RNF123: variants seen among roughly 807,000 people sequenced by gnomAD.
RNF123 encodes ring finger protein 123.
RNF123 carries 86 observed loss-of-function variants against 168.5 expected under a neutral mutation model. The observed-to-expected ratio is 0.51, with a 90% confidence interval of 0.43 to 0.61. The LOEUF (loss-of-function observed/expected upper bound fraction) is 0.61, where lower values mean the gene tolerates loss of function less well. RNF123 is among the 20% of genes least tolerant of loss of function. The pLI, the probability that RNF123 is intolerant of heterozygous loss-of-function variation, is 0.00. For missense variants in RNF123, 1,419 were observed against 1,729.7 expected, an observed-to-expected ratio of 0.82 and a Z score of 3.19; for synonymous variants, 666 against 689.1, an observed-to-expected ratio of 0.97 and a Z score of 0.52.
At position 49,700,649 on chromosome 3, in the gene RNF123, G is replaced by T. The variant is rs757826711; in HGVS notation, c.1217G>T (p.Arg406Leu). The part of the protein sequence containing the change: ...PDLGLQIHYL[R>L]LTIAILRHEK... ...CCCTCTCCACAGATCCATTACCTGC[G>T]GCTCACTATCGCCATCCTGAGGCAT... Residue 406 changes from arginine (R) to leucine (L), a missense_variant, in exon 15 of 39, where the codon CGG becomes CTG. Physicochemically the swap from Arg to Leu is moderately radical, Grantham distance 102 (BLOSUM62 -2). This residue lies in a region of RNF123 where 349 missense variants were observed against 344.9 expected (regional missense o/e 1.01). Coordinates refer to ENST00000327697, the MANE Select transcript of RNF123 (RefSeq NM_022064.5). 1.2e-6 allele frequency: 2 copies of T among 1,614,138 alleles called. No individual in the cohort carries two copies. Among genetic ancestry groups the T allele is most frequent in the Admixed American group, 3.3e-5 (2 of 60,018 alleles).
intron 26 of RNF123, 64 bp from the exon 27 acceptor site, chr3:49,712,415 C>T: frequency 6.5e-7 from 1 of 1,547,028 alleles, no homozygotes; most frequent in South Asian, 1.1e-5. Context: ...GATCCCCAGG[C>T]CAGGACATGC....
intron 3 of RNF123, among the ~76,000 whole-genome samples, chr3:49,695,894 G>A (rs2054258183): frequency 6.6e-6 from 1 of 152,202 alleles, no homozygotes; most frequent in South Asian, 2.1e-4. Context: ...AGGCCTGTGT[G>A]TTGAGAGGAT....
In RNF123 at chr3:49,721,457, C is replaced by A; in HGVS notation, c.*152C>A. Reference sequence around the variant, plus strand: ...TGTATCCTCATTGGTGGGAGCCCAGCCATGGCCCTAATTGTGCCTGAGCTT... The same window carrying A: ...TGTATCCTCATTGGTGGGAGCCCAGACATGGCCCTAATTGTGCCTGAGCTT... On this transcript the variant is annotated 3_prime_UTR_variant, in exon 39 of 39. Coordinates refer to ENST00000327697, the MANE Select transcript of RNF123 (RefSeq NM_022064.5). 1.9e-6 allele frequency: 2 copies of A among 1,071,428 alleles called. No homozygotes were observed. The highest frequency in any genetic ancestry group is 2.9e-6 in the Non-Finnish European group (2 of 691,126). 66.4% of individuals were successfully genotyped at this position (1,071,428 alleles called of 1,614,324 possible).
Position 49,714,015 on chromosome 3 carries a change from G to C in RNF123, c.2925+18G>C. On this transcript the variant is annotated intron_variant, in intron 30 of 38. Coordinates refer to ENST00000327697, the MANE Select transcript of RNF123 (RefSeq NM_022064.5). ...TCTGGAGGGTAAGCCTGACTCGAGG[G>C]GAAGTGGCTGAGGCTGGCTGGAGGG... is the stretch of plus-strand genomic sequence containing the variant. 6.2e-7 allele frequency: 1 copy of C among 1,614,018 alleles called. No individual in the cohort carries two copies. The highest frequency in any genetic ancestry group is 8.5e-7 in the Non-Finnish European group (1 of 1,179,964).
At position 49,721,423 on chromosome 3, in the gene RNF123, T is replaced by G. The variant is rs569409104; in HGVS notation, c.*118T>G. On this transcript the variant is annotated 3_prime_UTR_variant, in exon 39 of 39. Transcript: ENST00000327697. ...TCCCACACCACCACATCCAACCTCCTTGCCTGCCTGTATCCTCATTGGTGG... is the reference window on the plus strand; with the variant it reads ...TCCCACACCACCACATCCAACCTCCGTGCCTGCCTGTATCCTCATTGGTGG... 1.5e-4 allele frequency: 204 copies of G among 1,353,498 alleles called. No homozygotes were observed. The African/African-American group carries it at 2.6e-3, about 17-fold the overall frequency. 83.8% of individuals were successfully genotyped at this position (1,353,498 alleles called of 1,614,324 possible).
intron 3 of RNF123, among the ~76,000 whole-genome samples, chr3:49,696,188 CCTT>C (rs1421854703): frequency 2.0e-5 from 3 of 152,188 alleles, no homozygotes; most frequent in Non-Finnish European, 2.9e-5. Flanking sequence ...TTTCTCCCAG[CCTT>C]CTTCTTCCAG....
At chr3:49,718,504 GC>G (rs2080303593) in intron 35 of RNF123, 1 of 1,612,950 alleles carries the variant, frequency 6.2e-7, no homozygotes, top group South Asian at 1.1e-5. Context: ...GGATCCTGGC[GC>G]CCTGAGAAGC....
In RNF123 at chr3:49,721,506, A is replaced by G. The variant is rs902832427; in HGVS notation, c.*201A>G. On this transcript the variant is annotated 3_prime_UTR_variant, in exon 39 of 39. Coordinates refer to ENST00000327697, the MANE Select transcript of RNF123 (RefSeq NM_022064.5). ...TTGACTTTCAGTCAGGGCCACAGTG[A>G]GCATTAAATTATTATTCCATACAGC... The G allele has an allele frequency of 2.4e-6, 2 of 848,138 alleles. No homozygotes were observed. The highest frequency in any genetic ancestry group is 1.9e-5 in the Admixed American group (1 of 52,918). The allele number at this position is 848,138 out of a possible 1,614,324, so 52.5% of individuals were successfully genotyped here. A position where few individuals can be genotyped will look rare whatever the true frequency, so the allele number is the denominator to read the frequency against.
At position 49,711,748 on chromosome 3, in the gene RNF123, G is replaced by A. The variant is rs151294484; in HGVS notation, c.2497-731G>A. Among the ~76,000 whole-genome samples the A allele has an allele frequency of 9.1e-3, 1,386 of 152,240 alleles. 19 individuals are homozygous for A. Among genetic ancestry groups the A allele is most frequent in the African/African-American group, 0.032 (1,330 of 41,524 alleles). On this transcript the variant is annotated intron_variant, in intron 26 of 38. Transcript: ENST00000327697. ...TTTGTGAGACCCTGACATAGACTTTGTGGAAACCACATTGTGGGGAGCAGG... is the reference window on the plus strand; with the variant it reads ...TTTGTGAGACCCTGACATAGACTTTATGGAAACCACATTGTGGGGAGCAGG...
At chr3:49,713,282 AG>A (rs1203570225) in intron 27 of RNF123, 1 of 597,012 alleles carries the variant, frequency 1.7e-6, no homozygotes, top group Admixed American at 3.0e-5. Context: ...GTTTGAGCCC[AG>A]GTCAGGGCTC....
chr3:49,715,218 G>T (rs2080215945), intron 31 of RNF123, among the ~76,000 whole-genome samples: 1 of 152,242 alleles, frequency 6.6e-6, no homozygotes, highest in African/African-American at 2.4e-5. Context: ...TGGTGCCGGT[G>T]GGGAAGCATC....
chr3:49,695,510 C>T (rs2054251436), intron 3 of RNF123, among the ~76,000 whole-genome samples: 1 of 152,248 alleles, frequency 6.6e-6, no homozygotes, highest in Non-Finnish European at 1.5e-5. Context: ...ACTGCATAGC[C>T]ACCACCTGGC....
chr3:49,706,147 C>G (rs1328137815), intron 25 of RNF123, 82 bp downstream of exon 25: 8 of 1,302,996 alleles, frequency 6.1e-6, no homozygotes, highest in Non-Finnish European at 8.8e-6. Flanking sequence ...CTGGGGGCTG[C>G]CCTGGCAGTT....
rs754228157 is a variant in RNF123, at chr3:49,697,048, G to GC, written c.168-89dup. ...CAGCCCTTTTTCTGGAGTCTAGGCA[G>GC]CCCCCCTGTGAGCTCAGGGGAAAGG... On this transcript the variant is annotated intron_variant, in intron 3 of 38. Transcript: ENST00000327697. The GC allele has an allele frequency of 3.9e-6, 4 of 1,032,758 alleles. No individual in the cohort carries two copies. The South Asian group carries it at 4.0e-5, about 10-fold the overall frequency. 64.0% of individuals were successfully genotyped at this position (1,032,758 alleles called of 1,614,324 possible).
rs776340029 is a variant in RNF123, at chr3:49,699,779, G to T, written c.984+7G>T. On this transcript the variant is annotated splice_region_variant and intron_variant, in intron 12 of 38. Coordinates refer to ENST00000327697, the MANE Select transcript of RNF123 (RefSeq NM_022064.5). This position sits in a 1 kb window ranked among gnomAD's most constrained non-coding sequence, Gnocchi z 4.8. ...TCACTTTGCACCGCTTCTGGTGAGC[G>T]GCATTGGGAGGGGCATGGGAGGGGA... The T allele has an allele frequency of 4.3e-6, 7 of 1,612,246 alleles. No individual in the cohort carries two copies. Among genetic ancestry groups the T allele is most frequent in the Non-Finnish European group, 5.9e-6 (7 of 1,179,332 alleles).
chr3:49,693,389 T>A (rs1445878200), intron 3 of RNF123, among the ~76,000 whole-genome samples: 3 of 116,436 alleles, frequency 2.6e-5, no homozygotes, highest in African/African-American at 1.0e-4. Context: ...GGAGTTTTGC[T>A]CTTGTTGCCC....
chr3:49,705,420 C>T (rs994007456), intron 23 of RNF123, 114 bp from the exon 24 acceptor site: 10 of 1,452,198 alleles, frequency 6.9e-6, no homozygotes, highest in Non-Finnish European at 8.3e-6. Flanking sequence ...GGGCTCCCCG[C>T]GGGTCCCTCC....
intron 27 of RNF123, 129 bp from the exon 28 acceptor site, chr3:49,713,384 C>T (rs1253336342): frequency 3.8e-5 from 31 of 823,468 alleles, no homozygotes; most frequent in Non-Finnish European, 5.7e-5. Context: ...CCCCAGATGC[C>T]ACCCTGGGTC....
At chr3:49,712,978 G>C (rs1559685070) in intron 27 of RNF123, 1 of 701,812 alleles carries the variant, frequency 1.4e-6, no homozygotes, top group East Asian at 2.7e-5. Context: ...CTTGCACCTT[G>C]ACTCCCTGGC....
Sources: allele counts gnomAD v4.1 joint callset (sites outside exome capture counted in the v4.1 genomes callset), GRCh38; gene constraint gnomAD v4.1.1; regional missense constraint gnomAD v4.1.1; non-coding constraint Gnocchi (gnomAD v3.1); transcripts MANE v1.5; gene names NCBI Gene and HGNC (gene_info 2026-07-23, HGNC 2026-07-21).